USP53: variants seen among roughly 807,000 people sequenced by gnomAD.
USP53 encodes ubiquitin carboxyl-terminal hydrolase 53.
Under a neutral mutation model 94.9 loss-of-function variants are expected in USP53, and 71 were observed. The observed-to-expected ratio is 0.75, with a 90% CI of 0.62 to 0.91. USP53 has a LOEUF of 0.91. Ranked by LOEUF, USP53 falls within the 40% of genes least tolerant of loss-of-function variation. The probability of loss-of-function intolerance (pLI) is 0.00; values close to 1 mark genes in which losing one functional copy is unlikely to be tolerated. For synonymous variants in USP53, 375 were observed against 422.7 expected, an observed-to-expected ratio of 0.89 and a Z score of 1.39; for missense variants, 1,173 against 1,281.0, an observed-to-expected ratio of 0.92 and a Z score of 1.29.
At chr4:119,246,514 G>A (rs1022797220) in intron 6 of USP53, among the ~76,000 whole-genome samples, 8 of 152,204 alleles carry the variant, frequency 5.3e-5, no homozygotes, top group Admixed American at 1.3e-4. Flanking sequence ...AAATGACTTC[G>A]AGTGGAGCAG....
At chr4:119,250,969 A>G (rs936724644) in intron 7 of USP53, among the ~76,000 whole-genome samples, 1 of 151,812 alleles carries the variant, frequency 6.6e-6, no homozygotes, top group Non-Finnish European at 1.5e-5. Flanking sequence ...GTTTTGTTAC[A>G]TAGGTATACA....
chr4:119,259,369 C>A (rs1247129309), intron 9 of USP53, among the ~76,000 whole-genome samples: 1 of 151,828 alleles, frequency 6.6e-6, no homozygotes, highest in Non-Finnish European at 1.5e-5. Context: ...GTGACTTCTG[C>A]ATTTAATCAG....
In USP53 at chr4:119,239,866, CA is replaced by C. The variant is rs1465690691; in HGVS notation, c.108del (p.Gly37AspfsTer27). The C allele has an allele frequency of 1.1e-5, 17 of 1,608,746 alleles. No individual in the cohort carries two copies. In the Admixed American group the frequency reaches 2.2e-4, roughly 21 times the overall value. On this transcript the variant is annotated frameshift_variant, in exon 5 of 19. Coordinates refer to ENST00000692078, the MANE Select transcript of USP53 (RefSeq NM_001371395.1). LOFTEE classifies it high-confidence loss of function. Reference protein sequence around the residue: ...LAPTKGLLNEPGQNSCFLNSA... With the variant: ...LAPTKGLLNEXGQNSCFLNSA... ...CCTACCAAAGGCTTGTTAAATGAAC[CA>C]GGACAAAACAGCTGCTTTCTTAATA...
chr4:119,249,888 T>A (rs1425654071), intron 7 of USP53, among the ~76,000 whole-genome samples: 4 of 151,988 alleles, frequency 2.6e-5, no homozygotes, highest in Non-Finnish European at 5.9e-5. Flanking sequence ...ATGGTCTCGA[T>A]CTCCTGACCT....
intron 14 of USP53, among the ~76,000 whole-genome samples, chr4:119,269,334 T>C (rs1751560654): frequency 6.6e-6 from 1 of 152,208 alleles, no homozygotes; most frequent in South Asian, 2.1e-4. Flanking sequence ...TCTGCCTCAG[T>C]TTCCTTACCC....
At chr4:119,218,184 A>C (rs1335273631) in intron 3 of USP53, 1 of 152,224 alleles carries the variant, frequency 6.6e-6, no homozygotes, top group Admixed American at 6.5e-5. Flanking sequence ...ATTTGTTCTC[A>C]GCAACTGGAA....
chr4:119,276,690 G>C (rs1752691004), intron 17 of USP53, among the ~76,000 whole-genome samples: 2 of 111,712 alleles, frequency 1.8e-5, no homozygotes, highest in African/African-American at 7.0e-5. Context: ...GTTCCTCCTT[G>C]TACCTCTGGT....
chr4:119,224,720 G>A (rs1024301741), intron 3 of USP53, among the ~76,000 whole-genome samples: 6 of 152,154 alleles, frequency 3.9e-5, no homozygotes, highest in Non-Finnish European at 7.4e-5. Context: ...CCAGGAGGCT[G>A]GGGAAAGGAG....
At chr4:119,215,802 C>A (rs1743658518) in intron 2 of USP53, among the ~76,000 whole-genome samples, 1 of 152,104 alleles carries the variant, frequency 6.6e-6, no homozygotes, top group African/African-American at 2.4e-5. Flanking sequence ...ATATACTCTG[C>A]AGTTCATCAG....
chr4:119,266,743 C>A (rs1270254694), intron 12 of USP53, among the ~76,000 whole-genome samples: 1 of 151,480 alleles, frequency 6.6e-6, no homozygotes, highest in Middle Eastern at 3.2e-3. Context: ...TGGTGTCTTT[C>A]CAAGAGCAAA....
chr4:119,287,005 T>C (rs1390459634), intron 17 of USP53, among the ~76,000 whole-genome samples: 2 of 152,064 alleles, frequency 1.3e-5, no homozygotes, highest in Non-Finnish European at 2.9e-5. Flanking sequence ...ATAGCACTTA[T>C]AGACTTAAGT....
rs1755162902 is a variant in USP53, at chr4:119,295,443, A to C, written c.*2232A>C. 1 of 152,154 alleles carries C rather than the reference A, an allele frequency of 6.6e-6. No individual in the cohort carries two copies. Among genetic ancestry groups the C allele is most frequent in the South Asian group, 2.1e-4 (1 of 4,830 alleles). 9.4% of individuals were successfully genotyped at this position (152,154 alleles called of 1,614,324 possible). ...TGTAATGTTTAAAATACTTACCTTC[A>C]GAATGTTATATTTTCATGTGAAATC... On this transcript the variant is annotated 3_prime_UTR_variant, in exon 19 of 19. Transcript: ENST00000692078.
intron 17 of USP53, among the ~76,000 whole-genome samples, chr4:119,285,678 A>G (rs1213561454): frequency 6.6e-6 from 1 of 151,936 alleles, no homozygotes; most frequent in Non-Finnish European, 1.5e-5. Context: ...CATATACATA[A>G]GTTTTCTCTA....
rs141108423 is a variant in USP53 at position 119,222,279 on chromosome 4, G to A, written c.-665+4606G>A. 4.9e-4 allele frequency among the ~76,000 whole-genome samples: 74 copies of A among 152,162 alleles called. No individual in the cohort carries two copies. In the East Asian group the frequency reaches 5.4e-3, roughly 11 times the overall value. ...AATCAGGGTTGTTGGGATGTCCATC[G>A]CCTTAAGCGTTTGTTTCTTTGAGTT... On this transcript the variant is annotated intron_variant, in intron 3 of 18. Coordinates refer to ENST00000692078, the MANE Select transcript of USP53 (RefSeq NM_001371395.1).
At position 119,267,349 on chromosome 4, in the gene USP53, C is replaced by T; in HGVS notation, c.1002C>T (p.Ser334=). The T allele has an allele frequency of 6.2e-7, 1 of 1,613,722 alleles. No individual in the cohort carries two copies. Among genetic ancestry groups the T allele is most frequent in the Non-Finnish European group, 8.5e-7 (1 of 1,179,876 alleles). ...EIGTRWKDVV[S]KCIRCHFQPL... is the part of the protein sequence containing the mutation. ...GAACTAGATGGAAAGATGTTGTCTC[C>T]AAATGCATTCGATGCCACTTTCAGC... The change falls in exon 13 of 19, where the codon TCC becomes TCT. Residue 334 remains serine (S), a synonymous_variant. Transcript: ENST00000692078.
intron 17 of USP53, 107 bp downstream of exon 17, chr4:119,273,815 AT>A: frequency 1.2e-6 from 1 of 842,914 alleles, no homozygotes; most frequent in Non-Finnish European, 1.8e-6. Context: ...TATAAAAATT[AT>A]TTTTAAATAA....
rs749927436 is a variant in USP53 at position 119,245,387 on chromosome 4, A to T, written c.195A>T (p.Gly65=). 7 of 1,613,840 alleles carry T rather than the reference A, an allele frequency of 4.3e-6. No individual in the cohort carries two copies. The highest frequency in any genetic ancestry group is 1.1e-5 in the South Asian group (1 of 91,062). ...IFRRSLRVLT[G]HVCQGDACIF... Reference sequence around the variant, plus strand: ...GACGAAGCTTGCGGGTTTTGACTGGACATGTTTGTCAGGGAGATGCCTGTA... The same window carrying T: ...GACGAAGCTTGCGGGTTTTGACTGGTCATGTTTGTCAGGGAGATGCCTGTA... The change falls in exon 6 of 19, where the codon GGA becomes GGT. Residue 65 remains glycine, a synonymous_variant. Transcript: ENST00000692078.
At chr4:119,280,821 G>A (rs1173235885) in intron 17 of USP53, among the ~76,000 whole-genome samples, 1 of 152,170 alleles carries the variant, frequency 6.6e-6, no homozygotes, top group Non-Finnish European at 1.5e-5. Flanking sequence ...ATATGGGTGA[G>A]GAGGACATAA....
chr4:119,222,230 T>C (rs1313495016), intron 3 of USP53, among the ~76,000 whole-genome samples: 1 of 152,232 alleles, frequency 6.6e-6, no homozygotes, highest in Non-Finnish European at 1.5e-5. Flanking sequence ...TATTGTGATA[T>C]AAGCATACAG....
Sources: allele counts gnomAD v4.1 joint callset (sites outside exome capture counted in the v4.1 genomes callset), GRCh38; gene constraint gnomAD v4.1.1; transcripts MANE v1.5; gene names NCBI Gene and HGNC (gene_info 2026-07-23, HGNC 2026-07-21).